Variants in FARP1 observed in about 807,000 individuals in gnomAD.
The protein encoded by FARP1 is FERM, ARH/RhoGEF and pleckstrin domain protein 1.
A neutral mutation model predicts 128.8 loss-of-function variants in FARP1; 52 were observed. That is an observed-to-expected ratio of 0.40 (90% CI 0.32 to 0.51). The LOEUF (loss-of-function observed/expected upper bound fraction) is 0.51. Among genes scored for constraint, FARP1 ranks in the 20% least tolerant of loss-of-function variants. FARP1 has a pLI of 0.45. For synonymous variants in FARP1, 580 were observed against 551.8 expected (o/e 1.05, Z -0.72); for missense variants, 1,333 against 1,367.9 (o/e 0.97, Z 0.40).
chr13:98,296,451 C>T (rs1287959121), intron 2 of FARP1, among the ~76,000 whole-genome samples: 3 of 152,076 alleles, frequency 2.0e-5, no homozygotes, highest in South Asian at 2.1e-4. Context: ...TAGAAACCCC[C>T]GTTCTCGCCA....
chr13:98,190,365 GAT>G (rs1879140719), intron 1 of FARP1, among the ~76,000 whole-genome samples: 1 of 152,118 alleles, frequency 6.6e-6, no homozygotes, highest in Admixed American at 6.6e-5. Context: ...TGTTTCTAGA[GAT>G]ACATTCATTA....
At chr13:98,360,770 T>C (rs2139946959) in intron 3 of FARP1, among the ~76,000 whole-genome samples, 1 of 152,198 alleles carries the variant, frequency 6.6e-6, no homozygotes, top group South Asian at 2.1e-4. Context: ...TCTCTAGAGG[T>C]CCATTCATTT....
chr13:98,392,957 G>A (rs1890369494), intron 11 of FARP1, among the ~76,000 whole-genome samples: 4 of 152,032 alleles, frequency 2.6e-5, no homozygotes, highest in Non-Finnish European at 4.4e-5. Flanking sequence ...GAGCTTTTCT[G>A]TGCTAACCTG....
intron 2 of FARP1, among the ~76,000 whole-genome samples, chr13:98,319,026 G>A (rs973730453): frequency 1.3e-5 from 2 of 149,660 alleles, no homozygotes; most frequent in Non-Finnish European, 3.0e-5. Context: ...GCAGTGGCAG[G>A]ATCTCAGCTC....
chr13:98,359,156 C>T (rs546905628), intron 3 of FARP1, among the ~76,000 whole-genome samples: 110 of 152,192 alleles, frequency 7.2e-4, no homozygotes, highest in African/African-American at 2.2e-3. Context: ...TGGATTCAGC[C>T]GGACTTGATG....
chr13:98,445,607 T>C (rs1892779766), intron 24 of FARP1: 1 of 153,768 alleles, frequency 6.5e-6, no homozygotes, highest in Admixed American at 6.5e-5. Context: ...CTGAGCTTGT[T>C]GGGATGGATC....
chr13:98,307,177 C>T (rs1358339845), intron 2 of FARP1, among the ~76,000 whole-genome samples: 4 of 152,080 alleles, frequency 2.6e-5, no homozygotes, highest in Admixed American at 1.3e-4. Flanking sequence ...ATTAGAAAGC[C>T]GGAGAAAGCA....
At chr13:98,235,719 C>T (rs768205558) in intron 2 of FARP1, among the ~76,000 whole-genome samples, 30 of 152,148 alleles carry the variant, frequency 2.0e-4, no homozygotes, top group Non-Finnish European at 4.3e-4. Context: ...ATACATTAAA[C>T]AGCCCCCATT....
intron 8 of FARP1, among the ~76,000 whole-genome samples, chr13:98,387,185 C>T (rs1222245147): frequency 6.6e-6 from 1 of 152,094 alleles, no homozygotes. Flanking sequence ...CCTGTAATCC[C>T]AGCTACTTGG....
At chr13:98,194,277 T>C (rs2139244778) in intron 1 of FARP1, among the ~76,000 whole-genome samples, 1 of 152,208 alleles carries the variant, frequency 6.6e-6, no homozygotes, top group East Asian at 1.9e-4. Flanking sequence ...CTACCATGCC[T>C]GGCTGATTTT....
chr13:98,335,075 CAAAG>C (rs1486247927), intron 2 of FARP1, among the ~76,000 whole-genome samples: 4 of 152,234 alleles, frequency 2.6e-5, no homozygotes, highest in Non-Finnish European at 5.9e-5. Flanking sequence ...ACTCCACTCT[CAAAG>C]AACACCTCCA....
intron 2 of FARP1, among the ~76,000 whole-genome samples, chr13:98,308,028 T>TCC (rs1886253128): frequency 7.3e-5 from 1 of 13,792 alleles, no homozygotes; most frequent in African/African-American, 3.1e-4. Context: ...GCCCCCACTC[T>TCC]CTCTCTTTTT....
intron 2 of FARP1, among the ~76,000 whole-genome samples, chr13:98,327,222 C>T (rs1157421427): frequency 1.3e-5 from 2 of 152,186 alleles, no homozygotes; most frequent in Admixed American, 6.5e-5. Flanking sequence ...TTTTCCAATA[C>T]GGCTTTTATG....
chr13:98,415,882 T>C (rs2140130409), intron 16 of FARP1, among the ~76,000 whole-genome samples: 1 of 152,376 alleles, frequency 6.6e-6, no homozygotes, highest in South Asian at 2.1e-4. Flanking sequence ...ACCCCCGCCA[T>C]GGGGCTGTCT....
At chr13:98,157,748 T>G (rs1876590446) in intron 1 of FARP1, among the ~76,000 whole-genome samples, 1 of 152,228 alleles carries the variant, frequency 6.6e-6, no homozygotes, top group East Asian at 1.9e-4. Context: ...AAGTTTTTCC[T>G]CACTTAGAGC....
At chr13:98,327,012 G>A (rs1328390641) in intron 2 of FARP1, among the ~76,000 whole-genome samples, 2 of 152,220 alleles carry the variant, frequency 1.3e-5, no homozygotes, top group Non-Finnish European at 2.9e-5. Context: ...CACGCAATTG[G>A]TAGAATACTG....
intron 2 of FARP1, among the ~76,000 whole-genome samples, chr13:98,245,475 A>G (rs1883003366): frequency 6.6e-6 from 1 of 152,094 alleles, no homozygotes; most frequent in African/African-American, 2.4e-5. Context: ...AATTGAAACA[A>G]TTAGAGTGAC....
At chr13:98,280,333 G>T (rs575819630) in intron 2 of FARP1, among the ~76,000 whole-genome samples, 2 of 152,186 alleles carry the variant, frequency 1.3e-5, no homozygotes, top group African/African-American at 2.4e-5. Context: ...ACGGGAAATG[G>T]CCCGAGCTGG....
intron 17 of FARP1, chr13:98,425,649 C>T (rs1415260360): frequency 6.6e-6 from 1 of 152,114 alleles, no homozygotes; most frequent in African/African-American, 2.4e-5. Flanking sequence ...CCTCAGCCTC[C>T]CAAAGTGCTG....
Sources: allele counts gnomAD v4.1 joint callset (sites outside exome capture counted in the v4.1 genomes callset), GRCh38; gene constraint gnomAD v4.1.1; transcripts MANE v1.5; gene names NCBI Gene and HGNC (gene_info 2026-07-23, HGNC 2026-07-21).